Variants in CNTNAP2 observed in about 807,000 individuals in gnomAD.
CNTNAP2 encodes the protein contactin-associated protein-like 2.
CNTNAP2 carries 98 observed loss-of-function variants against 155.2 expected under a neutral mutation model. The observed-to-expected ratio is 0.63, with a 90% CI of 0.54 to 0.75. The LOEUF (loss-of-function observed/expected upper bound fraction) is 0.75, where lower values mean the gene tolerates loss of function less well. Ranked by LOEUF, CNTNAP2 falls within the 30% of genes least tolerant of loss-of-function variation. CNTNAP2 has a pLI of 0.00. For missense variants in CNTNAP2, 1,727 were observed against 1,688.1 expected (o/e 1.02, Z -0.40); for synonymous variants, 651 against 631.2 (o/e 1.03, Z -0.47).
rs185090237 is a variant in CNTNAP2 at position 146,285,042 on chromosome 7, C to T, written c.97+168069C>T. Among the ~76,000 whole-genome samples the T allele has an allele frequency of 6.2e-4, 95 of 152,256 alleles. 2 individuals carry two copies. Among genetic ancestry groups the T allele is most frequent in the African/African-American group, 2.2e-3 (92 of 41,534 alleles). Reference sequence around the variant, plus strand: ...CTCTGCAACACTTCTCACAGTAATTCCAGTGCTGTAGATATTTCTTGGACA... The same window carrying T: ...CTCTGCAACACTTCTCACAGTAATTTCAGTGCTGTAGATATTTCTTGGACA... On this transcript the variant is annotated intron_variant, in intron 1 of 23. Coordinates refer to ENST00000361727, the MANE Select transcript of CNTNAP2 (RefSeq NM_014141.6).
intron 1 of CNTNAP2, among the ~76,000 whole-genome samples, chr7:146,421,662 G>A (rs775057205): frequency 5.9e-5 from 9 of 151,746 alleles, no homozygotes; most frequent in Non-Finnish European, 1.2e-4. Flanking sequence ...CCAATATCTA[G>A]ATGTATTAAA....
chr7:146,708,391 T>A (rs557913162), intron 1 of CNTNAP2, among the ~76,000 whole-genome samples: 56 of 151,780 alleles, frequency 3.7e-4, no homozygotes, highest in African/African-American at 1.3e-3. Flanking sequence ...TTTGTTGGCA[T>A]TTTTTTGTGG....
intron 1 of CNTNAP2, among the ~76,000 whole-genome samples, chr7:146,183,450 C>G (rs955581040): frequency 6.6e-6 from 1 of 151,968 alleles, no homozygotes; most frequent in Non-Finnish European, 1.5e-5. Flanking sequence ...GAGTTTGTGG[C>G]TTGCTCTCTT....
intron 11 of CNTNAP2, among the ~76,000 whole-genome samples, chr7:147,519,288 A>G (rs1289148194): frequency 6.6e-6 from 1 of 152,124 alleles, no homozygotes; most frequent in Non-Finnish European, 1.5e-5. Flanking sequence ...CTTCAAAGCC[A>G]GCGATGACTG....
intron 2 of CNTNAP2, among the ~76,000 whole-genome samples, chr7:146,795,472 G>A (rs1434873747): frequency 6.6e-6 from 1 of 152,198 alleles, no homozygotes; most frequent in African/African-American, 2.4e-5. Context: ...ACTAGCAAGG[G>A]AGTGGAAAGT....
intron 12 of CNTNAP2, among the ~76,000 whole-genome samples, chr7:147,575,511 C>CCCTGTG (rs1800381467): frequency 7.5e-6 from 1 of 132,582 alleles, no homozygotes; most frequent in Admixed American, 7.5e-5. Context: ...GGGTATACAA[C>CCCTGTG]TGTGTGTGTG....
At chr7:147,552,849 A>G (rs565491730) in intron 11 of CNTNAP2, among the ~76,000 whole-genome samples, 50 of 152,306 alleles carry the variant, frequency 3.3e-4, no homozygotes, top group Non-Finnish European at 4.6e-4. Context: ...CAAGTTAACT[A>G]TTAAATAATT....
At chr7:147,424,313 A>C (rs1797344498) in intron 10 of CNTNAP2, among the ~76,000 whole-genome samples, 1 of 151,956 alleles carries the variant, frequency 6.6e-6, no homozygotes, top group Admixed American at 6.6e-5. Context: ...TTTCATCCCC[A>C]CCATATCAGT....
intron 1 of CNTNAP2, among the ~76,000 whole-genome samples, chr7:146,765,740 T>C (rs1235186924): frequency 6.6e-6 from 1 of 152,190 alleles, no homozygotes; most frequent in Admixed American, 6.5e-5. Context: ...GTAAGCAATG[T>C]CTCAATGAAG....
At chr7:148,244,561 T>G (rs1244525089) in intron 20 of CNTNAP2, among the ~76,000 whole-genome samples, 1 of 125,794 alleles carries the variant, frequency 7.9e-6, no homozygotes, top group African/African-American at 2.8e-5. Flanking sequence ...GTGTGTGTGT[T>G]TTGGGTTTTT....
Position 147,893,742 on chromosome 7 carries a change from C to A in CNTNAP2, c.2099-9823C>A, listed in dbSNP as rs546594062. On this transcript the variant is annotated intron_variant, in intron 13 of 23. Coordinates refer to ENST00000361727, the MANE Select transcript of CNTNAP2 (RefSeq NM_014141.6). ...AAGTTATTACTCCACGGCTTCACCT[C>A]CCCCACTTCATCCTCCTGTAAGGAT... 9.8e-4 allele frequency among the ~76,000 whole-genome samples: 149 copies of A among 152,314 alleles called. 4 individuals are homozygous for A. The South Asian group carries it at 0.03, about 30-fold the overall frequency.
At chr7:146,906,524 AC>A (rs1585149680) in intron 3 of CNTNAP2, among the ~76,000 whole-genome samples, 2 of 151,890 alleles carry the variant, frequency 1.3e-5, no homozygotes, top group South Asian at 2.1e-4. Flanking sequence ...ACTGGGAGGC[AC>A]CCCCCAGCAG....
chr7:146,399,589 T>C (rs1297350073), intron 1 of CNTNAP2, among the ~76,000 whole-genome samples: 1 of 152,204 alleles, frequency 6.6e-6, no homozygotes, highest in East Asian at 1.9e-4. Flanking sequence ...GACACTTAGG[T>C]TAATTCTAAA....
Position 147,597,150 on chromosome 7 carries a change from TTAA to T in CNTNAP2, c.1897+34897_1897+34899del, listed in dbSNP as rs747301634. Among the ~76,000 whole-genome samples the T allele has an allele frequency of 9.2e-5, 14 of 152,336 alleles. 1 individual carries two copies. The highest frequency in any genetic ancestry group is 3.4e-4 in the African/African-American group (14 of 41,572). On this transcript the variant is annotated intron_variant, in intron 12 of 23. Coordinates refer to ENST00000361727, the MANE Select transcript of CNTNAP2 (RefSeq NM_014141.6). The stretch of plus-strand genomic sequence containing the variant: ...GCCATTTTTTTATGCCTTTACTTTC[TTAA>T]TAAAATTGCTTTCACTTTACTCCAT...
Position 146,519,613 on chromosome 7 carries a change from T to C in CNTNAP2, c.98-254658T>C, listed in dbSNP as rs139367612. 2.6e-5 allele frequency among the ~76,000 whole-genome samples: 4 copies of C among 151,988 alleles called. No homozygotes were observed. In the East Asian group the frequency reaches 5.8e-4, roughly 22 times the overall value. ...TTTGAGAACCCATTTTGTAGTTCAT[T>C]GTTGCAGATTGTCTGATGTTGACTT... On this transcript the variant is annotated intron_variant, in intron 1 of 23. Coordinates refer to ENST00000361727, the MANE Select transcript of CNTNAP2 (RefSeq NM_014141.6).
chr7:146,582,787 C>T (rs986999374), intron 1 of CNTNAP2, among the ~76,000 whole-genome samples: 1 of 151,852 alleles, frequency 6.6e-6, no homozygotes, highest in Admixed American at 6.6e-5. Flanking sequence ...CCTTCCCTAT[C>T]TCTAAAAAGG....
intron 1 of CNTNAP2, among the ~76,000 whole-genome samples, chr7:146,574,105 C>G (rs1168242591): frequency 6.6e-6 from 1 of 152,110 alleles, no homozygotes; most frequent in Admixed American, 6.5e-5. Context: ...GGATTCGAGT[C>G]TGGAGATAAA....
At chr7:146,871,255 G>A (rs1226489978) in intron 3 of CNTNAP2, among the ~76,000 whole-genome samples, 2 of 152,142 alleles carry the variant, frequency 1.3e-5, no homozygotes, top group Non-Finnish European at 2.9e-5. Flanking sequence ...TAAGAGCAGG[G>A]TGTGGTGGCT....
chr7:148,109,138 A>G (rs1804286511), intron 15 of CNTNAP2, among the ~76,000 whole-genome samples: 2 of 152,206 alleles, frequency 1.3e-5, no homozygotes, highest in African/African-American at 4.8e-5. Flanking sequence ...GTGAAATTAA[A>G]GAATATCAGT....
Sources: allele counts gnomAD v4.1 joint callset (sites outside exome capture counted in the v4.1 genomes callset), GRCh38; gene constraint gnomAD v4.1.1; transcripts MANE v1.5; gene names NCBI Gene and HGNC (gene_info 2026-07-23, HGNC 2026-07-21).